The following TMEM267 variants were observed in gnomAD, a reference collection of about 807,000 sequenced individuals.
TMEM267 encodes transmembrane protein C5orf28.
TMEM267 carries 20 observed loss-of-function variants against 19.3 expected under a neutral mutation model. That is an observed-to-expected ratio of 1.04 (90% CI 0.73 to 1.51). The LOEUF (loss-of-function observed/expected upper bound fraction) is 1.51. Ranked by LOEUF, TMEM267 falls within the 40% of genes most tolerant of loss-of-function variation. The probability of loss-of-function intolerance (pLI) is 0.00; values close to 1 mark genes in which losing one functional copy is unlikely to be tolerated. For missense variants in TMEM267, 242 were observed against 261.9 expected (o/e 0.92, Z 0.52); for synonymous variants, 88 against 90.3 (o/e 0.97, Z 0.15).
At position 43,446,503 on chromosome 5, in the gene TMEM267, C is replaced by A. The variant is rs780594006; in HGVS notation, c.367G>T (p.Val123Phe). 17 of 1,613,808 alleles carry A rather than the reference C, an allele frequency of 1.1e-5. No homozygotes were observed. The highest frequency in any genetic ancestry group is 1.3e-5 in the African/African-American group (1 of 74,866). ...GTAAATTTCAGGGTCAGAACCACAA[C>A]GGGAATCACAGTAGAACAGTGAAGG... is the stretch of plus-strand genomic sequence containing the variant. Reference protein sequence around the residue: ...PFLHCSTVIPVVVLTLKFTMH... With the variant: ...PFLHCSTVIPFVVLTLKFTMH... Residue 123 changes from valine (V) to phenylalanine (F), a missense_variant, in exon 3 of 3, where the codon GTT becomes TTT. Physicochemically the swap from Val to Phe is conservative, Grantham distance 50 (BLOSUM62 -1). Transcript: ENST00000397080.
intron 1 of TMEM267, among the ~76,000 whole-genome samples, chr5:43,483,369 G>A (rs1374912381): frequency 6.6e-6 from 1 of 152,206 alleles, no homozygotes; most frequent in Non-Finnish European, 1.5e-5. Flanking sequence ...GGGCCAGGCT[G>A]CAGGGAAAGG....
At chr5:43,458,731 A>G (rs1231784515) in intron 1 of TMEM267, among the ~76,000 whole-genome samples, 2 of 152,198 alleles carry the variant, frequency 1.3e-5, no homozygotes, top group Non-Finnish European at 2.9e-5. Context: ...CATTGATTAT[A>G]AAACAGCAGG....
chr5:43,463,343 C>T (rs1187108811), intron 1 of TMEM267, among the ~76,000 whole-genome samples: 1 of 152,100 alleles, frequency 6.6e-6, no homozygotes, highest in Non-Finnish European at 1.5e-5. Context: ...TATTCACAGC[C>T]GAATTCTACC....
intron 1 of TMEM267, among the ~76,000 whole-genome samples, chr5:43,456,353 A>AT (rs1742952334): frequency 6.6e-6 from 1 of 152,200 alleles, no homozygotes; most frequent in South Asian, 2.1e-4. Flanking sequence ...AACATAAAGT[A>AT]TTTTTGTGTC....
At chr5:43,462,866 A>G (rs1743357625) in intron 1 of TMEM267, among the ~76,000 whole-genome samples, 1 of 152,218 alleles carries the variant, frequency 6.6e-6, no homozygotes, top group African/African-American at 2.4e-5. Context: ...CCCTAACATC[A>G]CAATTAAAAC....
At chr5:43,455,557 T>G (rs1222971021) in intron 1 of TMEM267, among the ~76,000 whole-genome samples, 1 of 152,124 alleles carries the variant, frequency 6.6e-6, no homozygotes, top group East Asian at 1.9e-4. Context: ...ATTTATGTAT[T>G]TATTTTTTGA....
intron 2 of TMEM267, among the ~76,000 whole-genome samples, chr5:43,450,649 C>T (rs1742531825): frequency 6.6e-6 from 1 of 152,120 alleles, no homozygotes; most frequent in African/African-American, 2.4e-5. Context: ...CTGGGTCTAA[C>T]TCTATAGTTC....
intron 1 of TMEM267, among the ~76,000 whole-genome samples, chr5:43,469,937 C>T (rs1471248137): frequency 3.3e-5 from 5 of 152,166 alleles, no homozygotes; most frequent in Non-Finnish European, 7.3e-5. Context: ...CCCTGCTCAC[C>T]TGAGACAAAT....
At chr5:43,455,531 C>G (rs1444760062) in intron 1 of TMEM267, among the ~76,000 whole-genome samples, 7 of 151,732 alleles carry the variant, frequency 4.6e-5, no homozygotes, top group Non-Finnish European at 5.9e-5. Flanking sequence ...CCAAACATAC[C>G]TAGTCAATTT....
At chr5:43,468,936 A>C (rs370780450) in intron 1 of TMEM267, among the ~76,000 whole-genome samples, 1 of 152,222 alleles carries the variant, frequency 6.6e-6, no homozygotes, top group African/African-American at 2.4e-5. Flanking sequence ...AAACTATACA[A>C]ATACATGGAA....
chr5:43,453,304 A>G (rs546551993), intron 2 of TMEM267, among the ~76,000 whole-genome samples: 5 of 152,370 alleles, frequency 3.3e-5, no homozygotes, highest in Admixed American at 3.3e-4. Context: ...GTACACTGAT[A>G]CAGAAAGAAC....
At chr5:43,448,277 A>G in intron 2 of TMEM267, among the ~76,000 whole-genome samples, 1 of 152,106 alleles carries the variant, frequency 6.6e-6, no homozygotes, top group Non-Finnish European at 1.5e-5. Context: ...AACATGTACC[A>G]TTTCTATATT....
intron 1 of TMEM267, among the ~76,000 whole-genome samples, chr5:43,482,735 GT>G (rs1744863191): frequency 6.6e-6 from 1 of 152,114 alleles, no homozygotes; most frequent in South Asian, 2.1e-4. Context: ...GCCAAACTTT[GT>G]CACACCCCAT....
intron 1 of TMEM267, among the ~76,000 whole-genome samples, chr5:43,457,168 G>A (rs1300031661): frequency 2.0e-5 from 3 of 152,160 alleles, no homozygotes; most frequent in Non-Finnish European, 4.4e-5. Context: ...CTAATATAAA[G>A]TATGGACTTT....
At chr5:43,459,050 C>G (rs1295214145) in intron 1 of TMEM267, among the ~76,000 whole-genome samples, 2 of 151,708 alleles carry the variant, frequency 1.3e-5, no homozygotes, top group African/African-American at 4.8e-5. Context: ...TATCATCAAC[C>G]CTAAATGTCA....
intron 1 of TMEM267, among the ~76,000 whole-genome samples, chr5:43,457,529 C>A (rs953225022): frequency 6.6e-6 from 1 of 152,078 alleles, no homozygotes; most frequent in Non-Finnish European, 1.5e-5. Flanking sequence ...GAGTAGAAGA[C>A]TAAAGTGGAA....
chr5:43,454,989 C>A (rs1742859907), intron 1 of TMEM267, among the ~76,000 whole-genome samples: 1 of 152,176 alleles, frequency 6.6e-6, no homozygotes, highest in African/African-American at 2.4e-5. Context: ...AATGACTCAA[C>A]TTCTATTACA....
chr5:43,453,127 A>C (rs1002695479), intron 2 of TMEM267, among the ~76,000 whole-genome samples: 1 of 152,238 alleles, frequency 6.6e-6, no homozygotes, highest in Admixed American at 6.5e-5. Context: ...GTTGAAATAC[A>C]TGCCTTTCGC....
chr5:43,449,076 G>T (rs984855024), intron 2 of TMEM267, among the ~76,000 whole-genome samples: 3 of 151,698 alleles, frequency 2.0e-5, no homozygotes, highest in African/African-American at 7.3e-5. Flanking sequence ...GGGAGAATAG[G>T]TCAAATGAAA....
Sources: gnomAD v4.1 joint callset for allele counts (sites outside exome capture counted in the v4.1 genomes callset) on GRCh38, gnomAD v4.1.1 for gene constraint, MANE v1.5 for transcripts, NCBI Gene and HGNC (gene_info 2026-07-23, HGNC 2026-07-21) for gene names.